Variants in MCPH1 observed in about 807,000 individuals in gnomAD.
MCPH1 encodes microcephalin 1.
A neutral mutation model predicts 84.5 loss-of-function variants in MCPH1; 104 were observed. The ratio of observed to expected loss-of-function variants is 1.23; its 90% CI spans 1.05 to 1.45. MCPH1 has a LOEUF of 1.45. Among genes scored for constraint, MCPH1 ranks in the 40% most tolerant of loss-of-function variants. The pLI, the probability that MCPH1 is intolerant of heterozygous loss-of-function variation, is 0.00. For missense variants in MCPH1, 1,498 were observed against 1,005.7 expected (o/e 1.49, Z -6.62); for synonymous variants, 514 against 366.8 (o/e 1.40, Z -4.58).
chr8:6,522,276 T>C (rs898839009), intron 12 of MCPH1, among the ~76,000 whole-genome samples: 2 of 150,138 alleles, frequency 1.3e-5, no homozygotes, highest in Admixed American at 6.6e-5. Flanking sequence ...AATGGCGTGA[T>C]CTCGGGAGGC....
At chr8:6,510,358 G>A (rs921546509) in intron 12 of MCPH1, among the ~76,000 whole-genome samples, 1 of 152,244 alleles carries the variant, frequency 6.6e-6, no homozygotes, top group African/African-American at 2.4e-5. Context: ...ATCCTGCAAT[G>A]GTGGCAGGAG....
At chr8:6,613,081 A>T (rs988003683) in intron 12 of MCPH1, among the ~76,000 whole-genome samples, 1 of 152,082 alleles carries the variant, frequency 6.6e-6, no homozygotes, top group African/African-American at 2.4e-5. Flanking sequence ...GGCCTTCCAT[A>T]TGGGGGTTCC....
At chr8:6,596,272 C>G (rs754332806) in intron 12 of MCPH1, among the ~76,000 whole-genome samples, 1 of 152,164 alleles carries the variant, frequency 6.6e-6, no homozygotes, top group Non-Finnish European at 1.5e-5. Context: ...TGCGTTTGCT[C>G]CCCTGGAAGG....
Position 6,406,681 on chromosome 8 carries a change from T to G in MCPH1, c.14T>G (p.Ile5Ser), listed in dbSNP as rs751243583. 2 of 1,611,912 alleles carry G rather than the reference T, an allele frequency of 1.2e-6. No homozygotes were observed. Among genetic ancestry groups the G allele is most frequent in the Admixed American group, 3.3e-5 (2 of 59,946 alleles). Residue 5 changes from isoleucine (I) to serine (S), a missense_variant, in exon 1 of 14, where the codon ATC (isoleucine) becomes AGC (serine). By Grantham distance (142) the Ile-to-Ser change is moderately radical (BLOSUM62 -2). Coordinates refer to ENST00000344683, the MANE Select transcript of MCPH1 (RefSeq NM_024596.5). MAAP[I>S]LKDVVAYVEV... ...CCGCCGTCTGTCATGGCGGCCCCCA[T>G]CCTGAAAGGTGAGGTACTTCCTGCT...
intron 12 of MCPH1, among the ~76,000 whole-genome samples, chr8:6,516,700 T>A (rs892022707): frequency 6.6e-6 from 1 of 152,220 alleles, no homozygotes; most frequent in Non-Finnish European, 1.5e-5. Flanking sequence ...TAATTCTGTA[T>A]CCTAAATGGT....
intron 12 of MCPH1, among the ~76,000 whole-genome samples, chr8:6,609,828 C>CCCA (rs1475345162): frequency 3.6e-4 from 39 of 108,806 alleles, no homozygotes; most frequent in Middle Eastern, 5.3e-3. Flanking sequence ...CGCCCCCCCC[C>CCCA]CACACACAGA....
At chr8:6,440,855 T>G (rs1433811910) in intron 6 of MCPH1, among the ~76,000 whole-genome samples, 1 of 152,226 alleles carries the variant, frequency 6.6e-6, no homozygotes, top group Non-Finnish European at 1.5e-5. Flanking sequence ...AAAACCAATG[T>G]GTTACAATCG....
chr8:6,481,870 T>C (rs1035173137), intron 11 of MCPH1, among the ~76,000 whole-genome samples: 1 of 152,204 alleles, frequency 6.6e-6, no homozygotes, highest in African/African-American at 2.4e-5. Context: ...CAGGGTTTTG[T>C]TTTGTGTAGT....
chr8:6,553,692 C>T (rs3020227), intron 12 of MCPH1, among the ~76,000 whole-genome samples: 19,569 of 150,560 alleles, frequency 0.13, 3,530 homozygotes, highest in African/African-American at 0.41. Flanking sequence ...TACCTCTCCC[C>T]TTTTCCTTCT....
At chr8:6,479,912 A>T (rs1808968633) in intron 10 of MCPH1, among the ~76,000 whole-genome samples, 1 of 152,132 alleles carries the variant, frequency 6.6e-6, no homozygotes, top group South Asian at 2.1e-4. Flanking sequence ...TGATTTGATG[A>T]TTTAATAAAA....
At chr8:6,473,727 G>T (rs535046370) in intron 9 of MCPH1, 1 of 499,064 alleles carries the variant, frequency 2.0e-6, no homozygotes, top group Non-Finnish European at 3.4e-6. Flanking sequence ...TATACTATCC[G>T]CCTGCTGGTC....
intron 1 of MCPH1, among the ~76,000 whole-genome samples, chr8:6,409,060 ATC>A (rs1457923874): frequency 1.3e-5 from 2 of 151,662 alleles, no homozygotes; most frequent in African/African-American, 2.4e-5. Flanking sequence ...AATTTTTTGT[ATC>A]TTTTAGTAGA....
intron 13 of MCPH1, among the ~76,000 whole-genome samples, chr8:6,638,265 T>G (rs914555108): frequency 1.3e-5 from 2 of 152,198 alleles, no homozygotes; most frequent in African/African-American, 4.8e-5. Flanking sequence ...GCTGGGCAAT[T>G]CCTTACCAGA....
intron 12 of MCPH1, among the ~76,000 whole-genome samples, chr8:6,615,247 A>C (rs958454881): frequency 2.0e-5 from 3 of 152,168 alleles, no homozygotes; most frequent in African/African-American, 7.2e-5. Flanking sequence ...ACTCCATGTC[A>C]CATGCCACCA....
At chr8:6,616,795 G>C (rs923680289) in intron 12 of MCPH1, 1 of 152,206 alleles carries the variant, frequency 6.6e-6, no homozygotes, top group African/African-American at 2.4e-5. Flanking sequence ...CAGTCCTGTT[G>C]TTTATTTTGG....
chr8:6,642,779 A>G (rs1404798091), intron 13 of MCPH1: 1 of 609,366 alleles, frequency 1.6e-6, no homozygotes, highest in East Asian at 2.9e-5. Context: ...TGAACTGGCC[A>G]GTGTGACTGA....
At chr8:6,624,353 C>G (rs1439180248) in intron 13 of MCPH1, among the ~76,000 whole-genome samples, 2 of 152,190 alleles carry the variant, frequency 1.3e-5, no homozygotes, top group African/African-American at 4.8e-5. Context: ...CAGACCTCAC[C>G]CATGTGAGAC....
chr8:6,410,465 G>A (rs1358601107), intron 2 of MCPH1, among the ~76,000 whole-genome samples: 1 of 152,168 alleles, frequency 6.6e-6, no homozygotes, highest in Non-Finnish European at 1.5e-5. Context: ...ATGAGGAAAT[G>A]GAGATAGCAA....
chr8:6,411,654 G>A (rs2129551133), intron 2 of MCPH1, among the ~76,000 whole-genome samples: 1 of 152,322 alleles, frequency 6.6e-6, no homozygotes, highest in African/African-American at 2.4e-5. Context: ...CAGCCACAGT[G>A]CGTGATTTTT....
Sources: gnomAD v4.1 joint callset for allele counts (sites outside exome capture counted in the v4.1 genomes callset) on GRCh38, gnomAD v4.1.1 for gene constraint, MANE v1.5 for transcripts, NCBI Gene and HGNC (gene_info 2026-07-23, HGNC 2026-07-21) for gene names.